Variants in MMP16 observed in about 807,000 individuals in gnomAD.
MMP16 encodes the protein matrix metallopeptidase 16.
MMP16 carries 12 observed loss-of-function variants against 67.8 expected under a neutral mutation model. The observed-to-expected ratio is 0.18, with a 90% CI of 0.11 to 0.29. The LOEUF (loss-of-function observed/expected upper bound fraction) is 0.29. Ranked by LOEUF, MMP16 falls within the 10% of genes least tolerant of loss-of-function variation. The probability of loss-of-function intolerance (pLI) is 1.00; values close to 1 mark genes in which losing one functional copy is unlikely to be tolerated. For synonymous variants in MMP16, 249 were observed against 255.9 expected (o/e 0.97, Z 0.26); for missense variants, 475 against 765.7 (o/e 0.62, Z 4.48).
chr8:88,318,749 T>G (rs1811413202), intron 1 of MMP16, among the ~76,000 whole-genome samples: 1 of 152,150 alleles, frequency 6.6e-6, no homozygotes, highest in Non-Finnish European at 1.5e-5. Context: ...ATTAAATGCG[T>G]TTATATATGA....
rs1173878425 is a variant in MMP16, at chr8:88,035,850, T to A, written c.*5611A>T. Reference sequence around the variant, plus strand: ...TATACTATTGGTTTAACTTTCAAAGTAGACATACGTATAAAATATTGAAAC... The same window carrying A: ...TATACTATTGGTTTAACTTTCAAAGAAGACATACGTATAAAATATTGAAAC... On this transcript the variant is annotated 3_prime_UTR_variant, in exon 10 of 10. Coordinates refer to ENST00000286614, the MANE Select transcript of MMP16 (RefSeq NM_005941.5). This position sits in a 1 kb window ranked among gnomAD's most constrained non-coding sequence, Gnocchi z 4.7. 1 of 151,990 alleles carries A rather than the reference T, an allele frequency of 6.6e-6. No homozygotes were observed. Among genetic ancestry groups the A allele is most frequent in the Non-Finnish European group, 1.5e-5 (1 of 67,888 alleles). 9.4% of individuals were successfully genotyped at this position (151,990 alleles called of 1,614,324 possible).
At chr8:88,056,334 A>G (rs1283538761) in intron 7 of MMP16, 56 bp from the exon 8 acceptor site, 6 of 898,914 alleles carry the variant, frequency 6.7e-6, no homozygotes, top group Non-Finnish European at 9.1e-6. Flanking sequence ...TAATTAGAAT[A>G]TATCTATTAA....
In MMP16 at chr8:88,302,355, C is replaced by A. The variant is rs28986469; in HGVS notation, c.132+24720G>T. Among the ~76,000 whole-genome samples, 475 of 152,290 alleles carry A rather than the reference C, an allele frequency of 3.1e-3. 3 individuals are homozygous for A. The highest frequency in any genetic ancestry group is 0.011 in the African/African-American group (439 of 41,546). The stretch of plus-strand genomic sequence containing the variant: ...CCCAAAATTATTGCTTAAGGCCAAC[C>A]TTATGCCTCTCAGCTCTTTGTTTTT... On this transcript the variant is annotated intron_variant, in intron 1 of 9. Coordinates refer to ENST00000286614, the MANE Select transcript of MMP16 (RefSeq NM_005941.5).
intron 7 of MMP16, 135 bp downstream of exon 7, chr8:88,074,470 T>C: frequency 1.4e-6 from 1 of 692,812 alleles, no homozygotes; most frequent in East Asian, 3.3e-5. Flanking sequence ...TCTTCATTTA[T>C]ATTTCTAGTT....
At chr8:88,277,854 A>G (rs890669271) in intron 1 of MMP16, among the ~76,000 whole-genome samples, 2 of 152,200 alleles carry the variant, frequency 1.3e-5, no homozygotes, top group South Asian at 2.1e-4. Context: ...GAGAAACTAA[A>G]TAAGACAGGT....
chr8:88,293,399 G>A (rs1316532405), intron 1 of MMP16, among the ~76,000 whole-genome samples: 1 of 151,866 alleles, frequency 6.6e-6, no homozygotes, highest in Non-Finnish European at 1.5e-5. Context: ...TGGTAAGTGG[G>A]CCTCTATCTA....
intron 6 of MMP16, among the ~76,000 whole-genome samples, chr8:88,098,787 T>C (rs1215361116): frequency 1.3e-5 from 2 of 151,848 alleles, no homozygotes; most frequent in Non-Finnish European, 2.9e-5. Context: ...AAAATTAATT[T>C]TGTAAGTATG....
intron 6 of MMP16, among the ~76,000 whole-genome samples, chr8:88,107,948 A>C (rs1287368841): frequency 6.6e-6 from 1 of 151,152 alleles, no homozygotes; most frequent in Non-Finnish European, 1.5e-5. Context: ...ATATAAATAT[A>C]ATAATCCATG....
chr8:88,189,241 T>G (rs1809127551), intron 2 of MMP16, among the ~76,000 whole-genome samples: 1 of 152,208 alleles, frequency 6.6e-6, no homozygotes, highest in African/African-American at 2.4e-5. Context: ...ATGTATCATT[T>G]AAAAAGTACA....
intron 5 of MMP16, 38 bp from the exon 6 acceptor site, chr8:88,116,756 A>C (rs1809444367): frequency 6.4e-7 from 1 of 1,568,482 alleles, no homozygotes; most frequent in East Asian, 2.2e-5. Context: ...GCTCACTTAA[A>C]ACTGGAATAG....
intron 1 of MMP16, among the ~76,000 whole-genome samples, chr8:88,307,893 T>A (rs1433792449): frequency 6.6e-6 from 1 of 152,040 alleles, no homozygotes; most frequent in African/African-American, 2.4e-5. Context: ...TATAAATAGA[T>A]GAAAGTCGCT....
intron 1 of MMP16, among the ~76,000 whole-genome samples, chr8:88,208,297 G>A (rs1026996509): frequency 1.3e-5 from 2 of 152,158 alleles, no homozygotes; most frequent in African/African-American, 4.8e-5. Context: ...TACCCCATAA[G>A]CCTTAAAGGG....
At chr8:88,159,563 C>G (rs1347624111) in intron 4 of MMP16, among the ~76,000 whole-genome samples, 2 of 152,164 alleles carry the variant, frequency 1.3e-5, no homozygotes, top group Non-Finnish European at 2.9e-5. Context: ...AATATACAAT[C>G]ATGTCATTTG....
intron 4 of MMP16, among the ~76,000 whole-genome samples, chr8:88,136,210 C>T (rs1228599340): frequency 1.3e-5 from 2 of 151,710 alleles, no homozygotes; most frequent in Admixed American, 6.6e-5. Context: ...GATTTGACAA[C>T]TAAGATACAA....
chr8:88,144,276 A>C (rs1420086969), intron 4 of MMP16, among the ~76,000 whole-genome samples: 3 of 152,120 alleles, frequency 2.0e-5, no homozygotes, highest in Admixed American at 6.5e-5. Context: ...ACAGACATTT[A>C]ATAACAAAAT....
chr8:88,271,423 T>G (rs1810559945), intron 1 of MMP16, among the ~76,000 whole-genome samples: 1 of 152,158 alleles, frequency 6.6e-6, no homozygotes, highest in Non-Finnish European at 1.5e-5. Context: ...ATAGAATTAT[T>G]TTTATATAAG....
intron 6 of MMP16, among the ~76,000 whole-genome samples, chr8:88,083,596 T>A (rs753368236): frequency 3.9e-5 from 6 of 152,092 alleles, no homozygotes; most frequent in African/African-American, 1.2e-4. Flanking sequence ...AACTGGCTAG[T>A]GTAAAAACTC....
intron 4 of MMP16, among the ~76,000 whole-genome samples, chr8:88,166,495 G>T (rs554761331): frequency 6.6e-6 from 1 of 151,164 alleles, no homozygotes; most frequent in African/African-American, 2.4e-5. Flanking sequence ...TGAGATTTTT[G>T]ATTTTTACAT....
At chr8:88,223,795 C>G (rs541537165) in intron 1 of MMP16, among the ~76,000 whole-genome samples, 14 of 151,610 alleles carry the variant, frequency 9.2e-5, no homozygotes, top group African/African-American at 2.9e-4. Context: ...ACATATGTAA[C>G]AAACCTGCAA....
Sources: allele counts gnomAD v4.1 joint callset (sites outside exome capture counted in the v4.1 genomes callset), GRCh38; gene constraint gnomAD v4.1.1; non-coding constraint Gnocchi (gnomAD v3.1); transcripts MANE v1.5; gene names NCBI Gene and HGNC (gene_info 2026-07-23, HGNC 2026-07-21).